The following ANKRD30B variants were observed in gnomAD, a reference collection of about 807,000 sequenced individuals.
ANKRD30B encodes ankyrin repeat domain-containing protein 30B.
A neutral mutation model predicts 202.2 loss-of-function variants in ANKRD30B; 144 were observed. That is an observed-to-expected ratio of 0.71 (90% CI 0.62 to 0.82). The LOEUF (loss-of-function observed/expected upper bound fraction) is 0.82. Ranked by LOEUF, ANKRD30B falls within the 40% of genes least tolerant of loss-of-function variation. The pLI is 0.00. For missense variants in ANKRD30B, 1,487 were observed against 1,669.1 expected, an observed-to-expected ratio of 0.89 and a Z score of 1.90; for synonymous variants, 508 against 561.3, an observed-to-expected ratio of 0.91 and a Z score of 1.34.
chr18:14,867,829 C>T, the ANKRD30B span, among the ~76,000 whole-genome samples: 5 of 152,356 alleles, frequency 3.3e-5, no homozygotes, highest in South Asian at 6.2e-4. Flanking sequence ...TTCGCCAAAA[C>T]TGGCCCCAGC....
the ANKRD30B span, chr18:14,877,908 G>A: frequency 6.6e-6 from 1 of 152,206 alleles, no homozygotes; most frequent in South Asian, 2.1e-4. Context: ...GACCCTGTTA[G>A]CCCAAAAGCT....
In ANKRD30B at chr18:14,752,853, G is replaced by C; in HGVS notation, c.351G>C (p.Glu117Asp). The change falls in exon 3 of 44, where the codon GAG becomes GAC. Residue 117 changes from glutamate to aspartate, a missense_variant. By Grantham distance (45) the Glu-to-Asp change is conservative. Around this residue, in one of 6 missense-constraint regions of ANKRD30B, gnomAD observed 889 missense variants for 841.4 expected, o/e 1.06. Coordinates refer to ENST00000690538, the MANE Select transcript of ANKRD30B (RefSeq NM_001367607.2). ...RTPLMKALQC[E>D]REACANILID... ...AATACTGACAGGCTCTACAATGCGAGAGGGAGGCTTGTGCAAATATTCTCA... is the reference window on the plus strand; with the variant it reads ...AATACTGACAGGCTCTACAATGCGACAGGGAGGCTTGTGCAAATATTCTCA... The C allele has an allele frequency of 6.2e-7, 1 of 1,609,470 alleles. No homozygotes were observed. The highest frequency in any genetic ancestry group is 8.5e-7 in the Non-Finnish European group (1 of 1,177,522).
chr18:14,754,113 A>C (rs1251249714), intron 3 of ANKRD30B, among the ~76,000 whole-genome samples: 3 of 152,170 alleles, frequency 2.0e-5, no homozygotes, highest in Admixed American at 1.3e-4. Flanking sequence ...ACCATTTAAT[A>C]ATAAGCAGTC....
At position 14,854,424 on chromosome 18, in the gene ANKRD30B, A is replaced by T. The variant is rs1186136914; in HGVS notation, c.*266A>T. On this transcript the variant is annotated 3_prime_UTR_variant, in exon 44 of 44. Coordinates refer to ENST00000690538, the MANE Select transcript of ANKRD30B (RefSeq NM_001367607.2). ...GTGTGTGGGATGGGGGTAGAATCCCATGCATGAGAAGGGGACAGGTCCTTT... is the reference window on the plus strand; with the variant it reads ...GTGTGTGGGATGGGGGTAGAATCCCTTGCATGAGAAGGGGACAGGTCCTTT... 1.3e-5 allele frequency among the ~76,000 whole-genome samples: 2 copies of T among 152,160 alleles called. No individual in the cohort carries two copies. The highest frequency in any genetic ancestry group is 2.9e-5 in the Non-Finnish European group (2 of 68,030).
chr18:14,821,428 C>T (rs964997763), intron 30 of ANKRD30B, among the ~76,000 whole-genome samples: 1 of 151,886 alleles, frequency 6.6e-6, no homozygotes, highest in African/African-American at 2.4e-5. Context: ...TTTGTTCTTG[C>T]TTTTCTAGTT....
the ANKRD30B span, among the ~76,000 whole-genome samples, chr18:14,891,392 CTT>C: frequency 4.8e-5 from 7 of 144,978 alleles, no homozygotes; most frequent in Non-Finnish European, 1.1e-4. Flanking sequence ...ATATACTATA[CTT>C]AACACTAGTC....
chr18:14,784,478 C>G lies in ANKRD30B; in HGVS notation c.1615C>G (p.Gln539Glu), dbSNP rs1014418996. The G allele has an allele frequency of 6.2e-7, 1 of 1,613,124 alleles. No individual in the cohort carries two copies. Among genetic ancestry groups the G allele is most frequent in the Non-Finnish European group, 8.5e-7 (1 of 1,179,356 alleles). ...ACCCATTTAGCCTGCCGTTGAAATGCAAAAGACTGTTCCAAATAAAGCCTT... is the reference window on the plus strand; with the variant it reads ...ACCCATTTAGCCTGCCGTTGAAATGGAAAAGACTGTTCCAAATAAAGCCTT... ...PSAFKPAVEM[Q>E]KTVPNKAFEL... is the part of the protein sequence containing the mutation. Residue 539 changes from glutamine (Q) to glutamate (E), a missense_variant, in exon 14 of 44, where the codon CAA becomes GAA. By Grantham distance (29) the Gln-to-Glu change is conservative. Coordinates refer to ENST00000690538, the MANE Select transcript of ANKRD30B (RefSeq NM_001367607.2).
chr18:14,832,473 A>T (rs1331605243), intron 34 of ANKRD30B, among the ~76,000 whole-genome samples: 2 of 152,152 alleles, frequency 1.3e-5, no homozygotes, highest in East Asian at 3.8e-4. Flanking sequence ...TGAAAATTTT[A>T]AATTTCAGAA....
intron 15 of ANKRD30B, among the ~76,000 whole-genome samples, chr18:14,788,852 CAT>C: frequency 6.6e-6 from 1 of 152,242 alleles, no homozygotes; most frequent in Admixed American, 6.5e-5. Flanking sequence ...CCACAATAAA[CAT>C]ATGTGTGCAT....
the ANKRD30B span, among the ~76,000 whole-genome samples, chr18:14,859,828 G>C: frequency 2.0e-5 from 1 of 50,854 alleles, no homozygotes; most frequent in Non-Finnish European, 4.1e-5. Flanking sequence ...CCGGGCAGAG[G>C]CGCTCTTCAC....
the ANKRD30B span, among the ~76,000 whole-genome samples, chr18:14,890,502 G>A: frequency 6.6e-5 from 10 of 151,402 alleles, no homozygotes; most frequent in African/African-American, 2.4e-4. Flanking sequence ...AGGTAGTCTT[G>A]TTATCCCAGT....
the ANKRD30B span, among the ~76,000 whole-genome samples, chr18:14,889,262 A>G: frequency 2.0e-5 from 3 of 152,052 alleles, no homozygotes; most frequent in Non-Finnish European, 4.4e-5. Flanking sequence ...AATTTGGTAT[A>G]ACTAGCAGAA....
At chr18:14,772,098 G>A (rs1429062341) in intron 8 of ANKRD30B, 58 bp from the exon 9 acceptor site, 2 of 1,156,218 alleles carry the variant, frequency 1.7e-6, no homozygotes, top group Non-Finnish European at 1.2e-6. Context: ...TGAACTAGCA[G>A]ATTTTCTTTT....
chr18:14,818,450 C>T (rs1024266943), intron 30 of ANKRD30B, among the ~76,000 whole-genome samples: 19 of 151,616 alleles, frequency 1.3e-4, no homozygotes, highest in East Asian at 3.9e-4. Context: ...CATGCTGGTG[C>T]GCTGCACCCA....
the ANKRD30B span, among the ~76,000 whole-genome samples, chr18:14,867,955 T>A: frequency 1.3e-5 from 2 of 152,184 alleles, no homozygotes; most frequent in Non-Finnish European, 2.9e-5. Flanking sequence ...ATGAAGGAGG[T>A]GTCCCCTGTG....
chr18:14,766,222 T>G (rs559888729), intron 7 of ANKRD30B, among the ~76,000 whole-genome samples: 1 of 151,634 alleles, frequency 6.6e-6, no homozygotes, highest in Non-Finnish European at 1.5e-5. Context: ...CCTGTAATCC[T>G]AGCACTTTGG....
chr18:14,820,948 C>T (rs1297279981), intron 30 of ANKRD30B, among the ~76,000 whole-genome samples: 1 of 152,126 alleles, frequency 6.6e-6, no homozygotes, highest in Admixed American at 6.5e-5. Context: ...GTACCAGTTC[C>T]TCCTTGTACC....
the ANKRD30B span, among the ~76,000 whole-genome samples, chr18:14,929,468 C>A: frequency 0.52 from 78,713 of 151,984 alleles, 20,650 homozygotes; most frequent in Non-Finnish European, 0.53. Context: ...GTGTCCCTGG[C>A]CTACACGAGG....
chr18:14,767,956 G>A (rs538106389), intron 7 of ANKRD30B, among the ~76,000 whole-genome samples: 6 of 152,258 alleles, frequency 3.9e-5, no homozygotes, highest in Admixed American at 6.5e-5. Context: ...GTTTTCTGGC[G>A]TACAACTCAT....
Sources: allele counts gnomAD v4.1 joint callset (sites outside exome capture counted in the v4.1 genomes callset), GRCh38; gene constraint gnomAD v4.1.1; regional missense constraint gnomAD v4.1.1; transcripts MANE v1.5; gene names NCBI Gene and HGNC (gene_info 2026-07-23, HGNC 2026-07-21).